Variants in MAP7 observed in about 807,000 individuals in gnomAD.
MAP7 encodes the protein ensconsin.
In MAP7, 52 loss-of-function variants were observed where a neutral mutation model predicts 94.8. The observed-to-expected ratio is 0.55, with a 90% CI of 0.44 to 0.69. MAP7 has a LOEUF of 0.69. MAP7 is among the 30% of genes least tolerant of loss of function. The pLI is 0.00. For missense variants in MAP7, 940 were observed against 964.6 expected (o/e 0.97, Z 0.34); for synonymous variants, 350 against 357.0 (o/e 0.98, Z 0.22).
In MAP7 at chr6:136,473,238, TC is replaced by T. The variant is rs1809654506; in HGVS notation, c.68-51440del. 2.6e-5 allele frequency among the ~76,000 whole-genome samples: 4 copies of T among 152,148 alleles called. No individual in the cohort carries two copies. The South Asian group carries it at 8.3e-4, about 31-fold the overall frequency. ...AAACCAAAAACACATTGATTAACCTTCTCTAACAGCATTACTGCAGGAGGAG... is the reference window on the plus strand; with the variant it reads ...AAACCAAAAACACATTGATTAACCTTTCTAACAGCATTACTGCAGGAGGAG... On this transcript the variant is annotated intron_variant, in intron 1 of 17. Transcript: ENST00000354570.
intron 1 of MAP7, among the ~76,000 whole-genome samples, chr6:136,530,403 C>T (rs1048932230): frequency 1.3e-5 from 2 of 152,198 alleles, no homozygotes; most frequent in African/African-American, 4.8e-5. Flanking sequence ...CTTCAGCAAT[C>T]TTTTAAGTAT....
chr6:136,350,689 TAA>T (rs1788922956), intron 16 of MAP7, among the ~76,000 whole-genome samples: 1 of 152,102 alleles, frequency 6.6e-6, no homozygotes, highest in African/African-American at 2.4e-5. Context: ...CTAATCTCTA[TAA>T]AAATATATAT....
intron 3 of MAP7, among the ~76,000 whole-genome samples, chr6:136,410,261 G>A (rs1307415476): frequency 6.6e-6 from 1 of 152,178 alleles, no homozygotes; most frequent in African/African-American, 2.4e-5. Context: ...AGACCTGATG[G>A]GGAAGAGGGG....
chr6:136,417,713 C>T (rs1789952097), intron 2 of MAP7, among the ~76,000 whole-genome samples: 1 of 152,100 alleles, frequency 6.6e-6, no homozygotes, highest in Non-Finnish European at 1.5e-5. Context: ...GCATAAAACC[C>T]GATTTCTAAC....
At chr6:136,484,764 A>G (rs1213029441) in intron 1 of MAP7, among the ~76,000 whole-genome samples, 1 of 152,206 alleles carries the variant, frequency 6.6e-6, no homozygotes, top group Admixed American at 6.5e-5. Flanking sequence ...GAGTGGTGTT[A>G]TCATAGCTCA....
In MAP7 at chr6:136,361,236, G is replaced by A. The variant is rs1199464971; in HGVS notation, c.1527-57C>T. 2.5e-6 allele frequency: 4 copies of A among 1,578,794 alleles called. No homozygotes were observed. In the African/African-American group the frequency reaches 4.0e-5, roughly 16 times the overall value. On this transcript the variant is annotated intron_variant, in intron 11 of 17. Transcript: ENST00000354570. Reference sequence around the variant, plus strand: ...AGACACCTGAGGAGAAATCTTTGAAGAGAGGCCTCCGTCGGTGGTTCTGTA... The same window carrying A: ...AGACACCTGAGGAGAAATCTTTGAAAAGAGGCCTCCGTCGGTGGTTCTGTA...
rs766807150 is a variant in MAP7 at position 136,550,373 on chromosome 6, C to T, written c.36G>A (p.Arg12=). 6.5e-7 allele frequency: 1 copy of T among 1,531,098 alleles called. No homozygotes were observed. The highest frequency in any genetic ancestry group is 1.2e-5 in the South Asian group (1 of 83,602). 94.8% of individuals were successfully genotyped at this position (1,531,098 alleles called of 1,614,324 possible). ...CGCTTCGCACTGCGCCGTCGCCGCC[C>T]CTGTGGCCGTCGCCGCCAGCTCCTA... ...AELGAGGDGH[R]GGDGAVRSET... Residue 12 remains arginine (R), a synonymous_variant, in exon 1 of 18, where the codon AGG becomes AGA. Coordinates refer to ENST00000354570, the MANE Select transcript of MAP7 (RefSeq NM_003980.6). This position sits in a 1 kb window ranked among gnomAD's most constrained non-coding sequence, Gnocchi z 5.1.
rs145586039 is a variant in MAP7 at position 136,508,813 on chromosome 6, A to G, written c.67+41529T>C. 3.9e-5 allele frequency among the ~76,000 whole-genome samples: 6 copies of G among 152,348 alleles called. No homozygotes were observed. In the East Asian group the frequency reaches 1.2e-3, roughly 29 times the overall value. On this transcript the variant is annotated intron_variant, in intron 1 of 17. Transcript: ENST00000354570. ...ACTGAAATAGGAAATTTACCTACTC[A>G]TTAAAGTGTATCTAATCTTGGAAGA...
At chr6:136,529,095 C>T (rs907957237) in intron 1 of MAP7, among the ~76,000 whole-genome samples, 2 of 151,940 alleles carry the variant, frequency 1.3e-5, no homozygotes, top group Admixed American at 6.6e-5. Context: ...TTTAAATATC[C>T]GCCAAAGTAA....
At chr6:136,386,988 G>T (rs1329292207) in intron 5 of MAP7, among the ~76,000 whole-genome samples, 4 of 151,734 alleles carry the variant, frequency 2.6e-5, no homozygotes, top group Non-Finnish European at 5.9e-5. Context: ...TTTTTTAAAA[G>T]AATTTTTTGT....
At chr6:136,382,828 C>CA (rs1357312229) in intron 6 of MAP7, among the ~76,000 whole-genome samples, 2 of 152,082 alleles carry the variant, frequency 1.3e-5, no homozygotes, top group African/African-American at 4.8e-5. Flanking sequence ...CTTAATAAAG[C>CA]ACTCAAAGTA....
chr6:136,547,126 G>A (rs1336681886), intron 1 of MAP7, among the ~76,000 whole-genome samples: 1 of 152,172 alleles, frequency 6.6e-6, no homozygotes, highest in Non-Finnish European at 1.5e-5. Context: ...TTAGAGTTAA[G>A]TGACACCTAC....
chr6:136,449,232 T>G (rs576673304), intron 1 of MAP7, among the ~76,000 whole-genome samples: 5 of 152,034 alleles, frequency 3.3e-5, no homozygotes, highest in Non-Finnish European at 5.9e-5. Flanking sequence ...GAGGCGGAGC[T>G]CGCAGTGAGC....
At chr6:136,428,149 T>C (rs1424050393) in intron 1 of MAP7, among the ~76,000 whole-genome samples, 1 of 152,208 alleles carries the variant, frequency 6.6e-6, no homozygotes, top group East Asian at 1.9e-4. Context: ...TAATAATTTA[T>C]ATTGAACCAC....
At chr6:136,462,867 T>C (rs1805697269) in intron 1 of MAP7, among the ~76,000 whole-genome samples, 1 of 144,660 alleles carries the variant, frequency 6.9e-6, no homozygotes, top group African/African-American at 2.6e-5. Context: ...GAGGCTGAGG[T>C]GGGAGGATTG....
intron 1 of MAP7, among the ~76,000 whole-genome samples, chr6:136,465,198 T>C (rs1279305210): frequency 1.3e-5 from 2 of 152,178 alleles, no homozygotes; most frequent in East Asian, 3.8e-4. Flanking sequence ...TTGCAGGAAA[T>C]TGGAAAACTA....
chr6:136,362,075 T>C (rs1294200697), intron 11 of MAP7, among the ~76,000 whole-genome samples: 1 of 135,868 alleles, frequency 7.4e-6, no homozygotes, highest in Non-Finnish European at 1.5e-5. Flanking sequence ...TGATTATGGA[T>C]TTTTTTTTTC....
chr6:136,381,586 T>C (rs1467849064), intron 6 of MAP7, among the ~76,000 whole-genome samples: 2 of 152,010 alleles, frequency 1.3e-5, no homozygotes, highest in Non-Finnish European at 2.9e-5. Flanking sequence ...TTGCTTAAGT[T>C]AAAAAGAAAA....
intron 3 of MAP7, among the ~76,000 whole-genome samples, chr6:136,395,710 C>T (rs1372894082): frequency 6.6e-6 from 1 of 152,050 alleles, no homozygotes; most frequent in East Asian, 1.9e-4. Flanking sequence ...AGTCTTTAAT[C>T]CATTTTGAGT....
Sources: gnomAD v4.1 joint callset for allele counts (sites outside exome capture counted in the v4.1 genomes callset) on GRCh38, gnomAD v4.1.1 for gene constraint, Gnocchi (gnomAD v3.1) non-coding constraint, MANE v1.5 for transcripts, NCBI Gene and HGNC (gene_info 2026-07-23, HGNC 2026-07-21) for gene names.